Variants in MARCHF4 observed in about 807,000 individuals in gnomAD.
MARCHF4 encodes the protein E3 ubiquitin-protein ligase MARCHF4.
MARCHF4 carries 14 observed loss-of-function variants against 43.9 expected under a neutral mutation model. That is an observed-to-expected ratio of 0.32 (90% CI 0.21 to 0.50). The LOEUF is 0.50. Among genes scored for constraint, MARCHF4 ranks in the 20% least tolerant of loss-of-function variants. The pLI is 0.98. For missense variants in MARCHF4, 468 were observed against 536.7 expected, an observed-to-expected ratio of 0.87 and a Z score of 1.27; for synonymous variants, 226 against 213.3, an observed-to-expected ratio of 1.06 and a Z score of -0.52.
At chr2:216,296,060 C>T (rs1392238374) in intron 1 of MARCHF4, among the ~76,000 whole-genome samples, 2 of 152,160 alleles carry the variant, frequency 1.3e-5, no homozygotes, top group Non-Finnish European at 2.9e-5. Flanking sequence ...GCAGGAGGAT[C>T]GATTGAACCT....
intron 1 of MARCHF4, among the ~76,000 whole-genome samples, chr2:216,352,326 A>C (rs1258581386): frequency 6.6e-6 from 1 of 152,196 alleles, no homozygotes; most frequent in African/African-American, 2.4e-5. Flanking sequence ...CAGGGCCTGC[A>C]CAGATGGAGC....
At chr2:216,354,936 T>TTTCTTTCTTTCTTTCTTTC (rs1692468684) in intron 1 of MARCHF4, among the ~76,000 whole-genome samples, 1 of 138,072 alleles carries the variant, frequency 7.2e-6, no homozygotes, top group African/African-American at 2.8e-5. Context: ...TCTTTCTTTC[T>TTTCTTTCTTTCTTTCTTTC]TTCTTTCTTT....
At chr2:216,293,150 G>A (rs549226511) in intron 1 of MARCHF4, among the ~76,000 whole-genome samples, 1 of 152,204 alleles carries the variant, frequency 6.6e-6, no homozygotes, top group African/African-American at 2.4e-5. Flanking sequence ...CGTGTGAGCA[G>A]CTCTTTGTTT....
chr2:216,357,069 C>A (rs188056788), intron 1 of MARCHF4, among the ~76,000 whole-genome samples: 2 of 152,050 alleles, frequency 1.3e-5, no homozygotes, highest in African/African-American at 4.8e-5. Flanking sequence ...TCTCATATGA[C>A]TTTCACCCAA....
At chr2:216,261,727 T>G (rs1274493555) in intron 3 of MARCHF4, among the ~76,000 whole-genome samples, 1 of 152,182 alleles carries the variant, frequency 6.6e-6, no homozygotes, top group Non-Finnish European at 1.5e-5. Flanking sequence ...GCCATCATTG[T>G]AGAGGTAGAA....
At chr2:216,343,643 G>A (rs1299451278) in intron 1 of MARCHF4, among the ~76,000 whole-genome samples, 1 of 152,074 alleles carries the variant, frequency 6.6e-6, no homozygotes, top group Non-Finnish European at 1.5e-5. Context: ...CCTTTATCCA[G>A]CTTTATATGT....
In MARCHF4 at chr2:216,284,818, T is replaced by C. The variant is rs539968270; in HGVS notation, c.517-1089A>G. Among the ~76,000 whole-genome samples the C allele has an allele frequency of 1.7e-3, 258 of 152,310 alleles. 1 individual carries two copies. The highest frequency in any genetic ancestry group is 5.9e-3 in the African/African-American group (244 of 41,570). ...CTCCTATCATTCAAGGATCTCATTG[T>C]GGCCTGGCTGAGGTTTGGAATGTCC... On this transcript the variant is annotated intron_variant, in intron 1 of 3. Transcript: ENST00000273067.
At position 216,369,853 on chromosome 2, in the gene MARCHF4, TGAGGAGGCACTGCTGAGCAGC is replaced by T. The variant is rs1692726269; in HGVS notation, c.387_407del (p.Leu130_Ser136del). ...CGGTCTTCTCCTTACAGAAGTCATC[TGAGGAGGCACTGCTGAGCAGC>T]GAGGCAGGTGGCTCTGTGGCTGGGC... On this transcript the variant is annotated inframe_deletion, in exon 1 of 4. Coordinates refer to ENST00000273067, the MANE Select transcript of MARCHF4 (RefSeq NM_020814.3). 6.2e-7 allele frequency: 1 copy of T among 1,613,960 alleles called. No individual in the cohort carries two copies. Among genetic ancestry groups the T allele is most frequent in the Non-Finnish European group, 8.5e-7 (1 of 1,180,038 alleles).
intron 1 of MARCHF4, among the ~76,000 whole-genome samples, chr2:216,328,400 C>T (rs1218235934): frequency 6.6e-6 from 1 of 152,164 alleles, no homozygotes; most frequent in Non-Finnish European, 1.5e-5. Flanking sequence ...CTCCTAACCT[C>T]GTGATTCGCC....
At chr2:216,347,470 C>T (rs1279724816) in intron 1 of MARCHF4, among the ~76,000 whole-genome samples, 1 of 152,264 alleles carries the variant, frequency 6.6e-6, no homozygotes, top group East Asian at 1.9e-4. Flanking sequence ...TGAATCCATC[C>T]GTTTCTCTTT....
At chr2:216,298,943 A>C (rs1215934489) in intron 1 of MARCHF4, among the ~76,000 whole-genome samples, 2 of 152,306 alleles carry the variant, frequency 1.3e-5, no homozygotes, top group East Asian at 3.9e-4. Context: ...ATCGGCCTTC[A>C]GGAGGATGAC....
chr2:216,339,260 G>T lies in MARCHF4; in HGVS notation c.516+30485C>A, dbSNP rs138273226. Among the ~76,000 whole-genome samples, 7 of 152,286 alleles carry T rather than the reference G, an allele frequency of 4.6e-5. No homozygotes were observed. The East Asian group carries it at 7.7e-4, about 17-fold the overall frequency. ...GAAGACAGTAAATGAAATATGCCAA[G>T]AAATCCAAGGTGTAGTGTTCAATGG... On this transcript the variant is annotated intron_variant, in intron 1 of 3. Transcript: ENST00000273067.
chr2:216,265,173 A>G lies in MARCHF4; in HGVS notation c.866-5494T>C, dbSNP rs1690824801. ...TGAACAGAGGCAGAAAAGTCATAGG[A>G]GGAGAAAATGGGAAATGAGGGGGCA... On this transcript the variant is annotated intron_variant, in intron 3 of 3. Coordinates refer to ENST00000273067, the MANE Select transcript of MARCHF4 (RefSeq NM_020814.3). 4.6e-5 allele frequency among the ~76,000 whole-genome samples: 7 copies of G among 152,318 alleles called. 2 individuals are homozygous for G. The South Asian group carries it at 1.5e-3, about 32-fold the overall frequency.
At chr2:216,347,143 T>G (rs1692333789) in intron 1 of MARCHF4, among the ~76,000 whole-genome samples, 1 of 152,252 alleles carries the variant, frequency 6.6e-6, no homozygotes. Context: ...TAAACCTATT[T>G]TCTTTGTGAA....
rs375926924 is a variant in MARCHF4 at position 216,311,824 on chromosome 2, A to C, written c.517-28095T>G. Reference sequence around the variant, plus strand: ...TTCTCCCATCCATAGTGTATGAAGCACTTGTCTTATCACTTTCTGCTCAGG... The same window carrying C: ...TTCTCCCATCCATAGTGTATGAAGCCCTTGTCTTATCACTTTCTGCTCAGG... On this transcript the variant is annotated intron_variant, in intron 1 of 3. Coordinates refer to ENST00000273067, the MANE Select transcript of MARCHF4 (RefSeq NM_020814.3). Among the ~76,000 whole-genome samples, 5 of 152,228 alleles carry C rather than the reference A, an allele frequency of 3.3e-5. No individual in the cohort carries two copies. In the East Asian group the frequency reaches 5.8e-4, roughly 18 times the overall value.
In MARCHF4 at chr2:216,367,863, C is replaced by T. The variant is rs527829521; in HGVS notation, c.516+1882G>A. Among the ~76,000 whole-genome samples the T allele has an allele frequency of 5.9e-5, 9 of 152,168 alleles. No individual in the cohort carries two copies. In the South Asian group the frequency reaches 1.9e-3, roughly 32 times the overall value. On this transcript the variant is annotated intron_variant, in intron 1 of 3. Transcript: ENST00000273067. The stretch of plus-strand genomic sequence containing the variant: ...CAGCTTTCTGTTATCAAAATACATG[C>T]TCATTATATATAAATTCCTTCCAAG...
intron 1 of MARCHF4, among the ~76,000 whole-genome samples, chr2:216,319,087 C>A (rs1691835649): frequency 6.6e-6 from 1 of 152,152 alleles, no homozygotes; most frequent in Non-Finnish European, 1.5e-5. Context: ...GCAGGCGGAT[C>A]ACTTGAGGTC....
chr2:216,289,969 C>G (rs1044220814), intron 1 of MARCHF4, among the ~76,000 whole-genome samples: 11 of 152,232 alleles, frequency 7.2e-5, no homozygotes, highest in Admixed American at 5.2e-4. Flanking sequence ...CTTAACGTCT[C>G]TGGGCCTTGC....
chr2:216,288,367 A>C (rs1339514558), intron 1 of MARCHF4, among the ~76,000 whole-genome samples: 1 of 152,238 alleles, frequency 6.6e-6, no homozygotes, highest in Non-Finnish European at 1.5e-5. Context: ...CATTTCTGTA[A>C]GAACTTTAAT....
Sources: gnomAD v4.1 joint callset for allele counts (sites outside exome capture counted in the v4.1 genomes callset) on GRCh38, gnomAD v4.1.1 for gene constraint, MANE v1.5 for transcripts, NCBI Gene and HGNC (gene_info 2026-07-23, HGNC 2026-07-21) for gene names.